KPLCE: variants seen among roughly 807,000 people sequenced by gnomAD.
The protein encoded by KPLCE is protein KPLCE.
chr1:152,719,916 G>T, the KPLCE span: 1 of 1,552,232 alleles, frequency 6.4e-7, no homozygotes, highest in Admixed American at 2.0e-5. Flanking sequence ...ACCCAGACGT[G>T]CTATGTCCAG....
At chr1:152,720,153 G>T in the KPLCE span, 1 of 1,551,766 alleles carries the variant, frequency 6.4e-7, no homozygotes, top group East Asian at 2.4e-5. Context: ...GGATGCTGTG[G>T]TTCTGGGGGC....
At chr1:152,719,923 C>A in the KPLCE span, 3 of 1,552,196 alleles carry the variant, frequency 1.9e-6, no homozygotes, top group Non-Finnish European at 2.6e-6. Flanking sequence ...CGTGCTATGT[C>A]CAGGGTGCTT....
At chr1:152,720,418 CT>C in the KPLCE span, 4 of 697,984 alleles carry the variant, frequency 5.7e-6, no homozygotes, top group Non-Finnish European at 9.7e-6. Context: ...CCAAGGCAGC[CT>C]GCCAGAGTTA....
the KPLCE span, chr1:152,720,407 A>G: frequency 1.3e-6 from 1 of 763,998 alleles, no homozygotes; most frequent in Non-Finnish European, 2.1e-6. Flanking sequence ...TTGCTTCTCT[A>G]CCAAGGCAGC....
the KPLCE span, chr1:152,719,555 C>T: frequency 1.4e-5 from 21 of 1,551,640 alleles, no homozygotes; most frequent in Non-Finnish European, 1.7e-5. Context: ...ACAGTTCCCT[C>T]CATCTTGTGT....
chr1:152,720,093 A>G, the KPLCE span: 2 of 1,551,726 alleles, frequency 1.3e-6, no homozygotes, highest in Admixed American at 2.0e-5. Flanking sequence ...CAGCGGCCCC[A>G]GAACTGCAAC....
At chr1:152,720,278 T>G in the KPLCE span, 1 of 1,536,462 alleles carries the variant, frequency 6.5e-7, no homozygotes, top group South Asian at 1.2e-5. Context: ...CTGCTAAACA[T>G]ACGACAGCTC....
the KPLCE span, chr1:152,720,050 A>G: frequency 1.9e-6 from 3 of 1,551,596 alleles, no homozygotes; most frequent in East Asian, 2.4e-5. Flanking sequence ...GGCTCCCCGG[A>G]CCTTCGGGGT....
chr1:152,719,928 G>A, the KPLCE span: 2 of 1,552,184 alleles, frequency 1.3e-6, no homozygotes, highest in Non-Finnish European at 1.7e-6. Flanking sequence ...TATGTCCAGG[G>A]TGCTTCTCCT....
the KPLCE span, chr1:152,720,080 A>C: frequency 6.4e-7 from 1 of 1,551,692 alleles, no homozygotes; most frequent in Non-Finnish European, 8.7e-7. Context: ...GAGACGCTGG[A>C]TTCAGCGGCC....
chr1:152,720,042 C>G, the KPLCE span: 1 of 1,551,778 alleles, frequency 6.4e-7, no homozygotes, highest in Non-Finnish European at 8.7e-7. Context: ...TGCTGTCTGG[C>G]TCCCCGGACC....
the KPLCE span, chr1:152,720,119 T>G: frequency 6.4e-7 from 1 of 1,551,690 alleles, no homozygotes; most frequent in Non-Finnish European, 8.7e-7. Context: ...ATCATCTGGC[T>G]GCTGTGAGAA....
chr1:152,719,776 C>T, the KPLCE span: 1 of 1,551,794 alleles, frequency 6.4e-7, no homozygotes, highest in Non-Finnish European at 8.7e-7. Context: ...CAACACCCTG[C>T]CAAACCTATG....
chr1:152,720,021 C>T, the KPLCE span: 12 of 1,551,670 alleles, frequency 7.7e-6, no homozygotes, highest in Admixed American at 2.0e-5. Flanking sequence ...GCTCCCTGTT[C>T]CACCAGCTAC....
At chr1:152,719,913 C>G in the KPLCE span, 1 of 1,552,232 alleles carries the variant, frequency 6.4e-7, no homozygotes, top group Non-Finnish European at 8.7e-7. Flanking sequence ...CAGACCCAGA[C>G]GTGCTATGTC....
the KPLCE span, chr1:152,720,320 C>A: frequency 1.4e-6 from 2 of 1,424,370 alleles, no homozygotes; most frequent in Non-Finnish European, 1.9e-6. Flanking sequence ...GCTACCCCTT[C>A]TGGAACATGC....
chr1:152,719,574 C>G, the KPLCE span: 2 of 1,551,776 alleles, frequency 1.3e-6, no homozygotes, highest in Non-Finnish European at 1.7e-6. Context: ...GTGAAAGGTT[C>G]GGGACTAGGG....
the KPLCE span, chr1:152,719,991 G>T: frequency 3.9e-6 from 6 of 1,551,810 alleles, no homozygotes; most frequent in Non-Finnish European, 5.2e-6. Flanking sequence ...TCCCAGTACT[G>T]TGTCACTGAC....
chr1:152,720,170 T>G, the KPLCE span: 1 of 1,551,762 alleles, frequency 6.4e-7, no homozygotes, highest in African/African-American at 1.4e-5. Context: ...GGGCTGTGGC[T>G]GCAGCTGTGG....
Sources: allele counts gnomAD v4.1 joint callset, GRCh38; gene constraint gnomAD v4.1.1; transcripts MANE v1.5; gene names NCBI Gene and HGNC (gene_info 2026-07-23, HGNC 2026-07-21).